The following MTX1 variants were observed in gnomAD, a reference collection of about 807,000 sequenced individuals.
MTX1 encodes the protein metaxin-1.
A neutral mutation model predicts 39.4 loss-of-function variants in MTX1; 20 were observed. The observed-to-expected ratio is 0.51, with a 90% CI of 0.36 to 0.74. The LOEUF (loss-of-function observed/expected upper bound fraction) is 0.74, where lower values mean the gene tolerates loss of function less well. Among genes scored for constraint, MTX1 ranks in the 30% least tolerant of loss-of-function variants. The probability of loss-of-function intolerance (pLI) is 0.00; values close to 1 mark genes in which losing one functional copy is unlikely to be tolerated. For missense variants in MTX1, 481 were observed against 485.9 expected (o/e 0.99, Z 0.10); for synonymous variants, 209 against 198.6 (o/e 1.05, Z -0.44).
intron 3 of MTX1, chr1:155,211,599 TG>T (rs1571949161): frequency 6.5e-6 from 1 of 153,738 alleles, no homozygotes; most frequent in East Asian, 1.9e-4. Flanking sequence ...GTGGTAATGG[TG>T]TCTGAGCGAT....
chr1:155,209,345 G>C lies in MTX1; in HGVS notation c.528+13G>C. On this transcript the variant is annotated intron_variant, in intron 1 of 7. Transcript: ENST00000368376. Reference sequence around the variant, plus strand: ...CCTGGCCGTGCTGGTGAGGGGTGGCGCCGGCGCCCTCTGCTGTGCCCTGAT... The same window carrying C: ...CCTGGCCGTGCTGGTGAGGGGTGGCCCCGGCGCCCTCTGCTGTGCCCTGAT... 1 of 1,411,780 alleles carries C rather than the reference G, an allele frequency of 7.1e-7. No homozygotes were observed. Among genetic ancestry groups the C allele is most frequent in the Non-Finnish European group, 9.2e-7 (1 of 1,086,172 alleles). 87.5% of individuals were successfully genotyped at this position (1,411,780 alleles called of 1,614,324 possible). A position where few individuals can be genotyped will look rare whatever the true frequency, so the allele number is the denominator to read the frequency against.
Position 155,208,839 on chromosome 1 carries a change from C to A in MTX1, c.35C>A (p.Ser12Ter). ...LLGGPPRSPRSGTSPKGPWSS... is the reference protein window; with the variant it reads ...LLGGPPRSPR ...GGGGGACCCCCCCGCAGTCCCCGCT[C>A]GGGGACGAGCCCCAAGGGGCCCTGG... Residue 12 changes from serine (S) to a stop codon, truncating the protein, a stop_gained, in exon 1 of 8, where the codon TCG (serine) becomes TAG (stop). Coordinates refer to ENST00000368376, the MANE Select transcript of MTX1 (RefSeq NM_002455.5). LOFTEE classifies it high-confidence loss of function. The A allele has an allele frequency of 6.3e-7, 1 of 1,585,996 alleles. No homozygotes were observed. The highest frequency in any genetic ancestry group is 2.3e-5 in the East Asian group (1 of 43,826).
Position 155,209,181 on chromosome 1 carries a change from C to CG in MTX1, c.383dup (p.Gly129ArgfsTer103), listed in dbSNP as rs762634168. On this transcript the variant is annotated frameshift_variant, in exon 1 of 8. Transcript: ENST00000368376. LOFTEE classifies it high-confidence loss of function. ...ACCGCAACGATCGGAGGGGCGGTGG[C>CG]GGGGGGCGGGCCCAGGCAGGGGAGG... 1.6e-5 allele frequency: 24 copies of CG among 1,478,896 alleles called. No individual in the cohort carries two copies. Among genetic ancestry groups the CG allele is most frequent in the Middle Eastern group, 2.1e-4 (1 of 4,836 alleles). 91.6% of individuals were successfully genotyped at this position (1,478,896 alleles called of 1,614,324 possible).
In MTX1 at chr1:155,209,202, G is replaced by C. The variant is rs200737782; in HGVS notation, c.398G>C (p.Gly133Ala). 4.9e-4 allele frequency: 714 copies of C among 1,467,622 alleles called. 2 individuals are homozygous for C. Among genetic ancestry groups the C allele is most frequent in the Admixed American group, 2.3e-3 (85 of 37,692 alleles). 90.9% of individuals were successfully genotyped at this position (1,467,622 alleles called of 1,614,324 possible). A position where few individuals can be genotyped will look rare whatever the true frequency, so the allele number is the denominator to read the frequency against. Residue 133 changes from glycine (G) to alanine (A), a missense_variant, in exon 1 of 8, where the codon GGG becomes GCG. By Grantham distance (60) the Gly-to-Ala change is moderately conservative (BLOSUM62 0). Around this residue, in one of 2 missense-constraint regions of MTX1, gnomAD observed 368 missense variants for 332.8 expected, o/e 1.11. Transcript: ENST00000368376. ...GAVAGGGPRQ[G>A]RAEAHKEVFP... Reference sequence around the variant, plus strand: ...GTGGCGGGGGGCGGGCCCAGGCAGGGGAGGGCAGAAGCACACAAGGAAGTG... The same window carrying C: ...GTGGCGGGGGGCGGGCCCAGGCAGGCGAGGGCAGAAGCACACAAGGAAGTG...
intron 3 of MTX1, chr1:155,211,390 A>G (rs1275358619): frequency 6.6e-6 from 1 of 152,552 alleles, no homozygotes; most frequent in Admixed American, 6.5e-5. Flanking sequence ...TTCCTAACAC[A>G]GGGGCATTCA....
rs1302870542 is a variant in MTX1, at chr1:155,209,224, A to C, written c.420A>C (p.Glu140Asp). 4.8e-6 allele frequency: 7 copies of C among 1,456,492 alleles called. No homozygotes were observed. Among genetic ancestry groups the C allele is most frequent in the Non-Finnish European group, 6.4e-6 (7 of 1,101,144 alleles). 90.2% of individuals were successfully genotyped at this position (1,456,492 alleles called of 1,614,324 possible). A position where few individuals can be genotyped will look rare whatever the true frequency, so the allele number is the denominator to read the frequency against. The change falls in exon 1 of 8, where the codon GAA (glutamate) becomes GAC (aspartate). Residue 140 changes from glutamate (E) to aspartate (D), a missense_variant. Around this residue, in one of 2 missense-constraint regions of MTX1, gnomAD observed 368 missense variants for 332.8 expected, o/e 1.11. Coordinates refer to ENST00000368376, the MANE Select transcript of MTX1 (RefSeq NM_002455.5). ...PRQGRAEAHK[E>D]VFPGQRVGKM... Reference sequence around the variant, plus strand: ...AGGGGAGGGCAGAAGCACACAAGGAAGTGTTTCCGGGACAGAGGGTGGGCA... The same window carrying C: ...AGGGGAGGGCAGAAGCACACAAGGACGTGTTTCCGGGACAGAGGGTGGGCA...
chr1:155,212,710 G>A lies in MTX1; in HGVS notation c.971G>A (p.Arg324Gln), dbSNP rs755726613. 3.8e-5 allele frequency: 61 copies of A among 1,605,558 alleles called. No homozygotes were observed. The highest frequency in any genetic ancestry group is 4.6e-5 in the Non-Finnish European group (54 of 1,176,210). The change falls in exon 6 of 8, where the codon CGG becomes CAG. Residue 324 changes from arginine to glutamine, a missense_variant. By Grantham distance (43) the Arg-to-Gln change is conservative. This residue lies in a region of MTX1 where 113 missense variants were observed against 153.2 expected (regional missense o/e 0.74). Coordinates refer to ENST00000368376, the MANE Select transcript of MTX1 (RefSeq NM_002455.5). ...CCCCTACAGCTGTACCGAGAGGCTC[G>A]GGAGTGTCTGACCCTGCTCTCTCAG... Reference protein sequence around the residue: ...ELEKELYREARECLTLLSQRL... With the variant: ...ELEKELYREAQECLTLLSQRL...
At chr1:155,209,847 A>C (rs1458362095) in intron 1 of MTX1, among the ~76,000 whole-genome samples, 1 of 152,246 alleles carries the variant, frequency 6.6e-6, no homozygotes, top group Non-Finnish European at 1.5e-5. Context: ...TCCTTGCTTT[A>C]AAGAGGATCT....
At chr1:155,213,064 G>A (rs1397612226) in intron 6 of MTX1, among the ~76,000 whole-genome samples, 173 bp from the exon 7 acceptor site, 2 of 151,206 alleles carry the variant, frequency 1.3e-5, no homozygotes, top group East Asian at 3.9e-4. Flanking sequence ...CCAGGCTGGC[G>A]CCACCTGGGG....
Position 155,208,825 on chromosome 1 carries a change from C to G in MTX1, c.21C>G (p.Pro7=), listed in dbSNP as rs775010955. The G allele has an allele frequency of 6.3e-6, 10 of 1,575,690 alleles. No homozygotes were observed. The highest frequency in any genetic ancestry group is 1.4e-5 in the African/African-American group (1 of 73,130). The part of the protein sequence containing the change: MLLGGP[P]RSPRSGTSPK... ...AAAACATGCTGCTCGGGGGACCCCCCCGCAGTCCCCGCTCGGGGACGAGCC... is the reference window on the plus strand; with the variant it reads ...AAAACATGCTGCTCGGGGGACCCCCGCGCAGTCCCCGCTCGGGGACGAGCC... The change falls in exon 1 of 8, where the codon CCC becomes CCG. Residue 7 remains proline (P), a synonymous_variant. Transcript: ENST00000368376.
chr1:155,212,966 AGGGCAGCCAGGCACAGGAGG>A (rs1416995832), intron 6 of MTX1, among the ~76,000 whole-genome samples, 196 bp downstream of exon 6: 3 of 137,294 alleles, frequency 2.2e-5, no homozygotes, highest in Non-Finnish European at 4.7e-5. Context: ...GTAGGGTGGG[AGGGCAGCCAGGCACAGGAGG>A]GGCCTGAAGA....
Position 155,209,008 on chromosome 1 carries a change from G to C in MTX1, c.204G>C (p.Gly68=). The C allele has an allele frequency of 6.3e-7, 1 of 1,591,448 alleles. No homozygotes were observed. The highest frequency in any genetic ancestry group is 8.5e-7 in the Non-Finnish European group (1 of 1,170,560). ...TRRRDSPRRA[G]PTALSRYVGH... ...GCCGTGACTCTCCGAGGCGCGCCGG[G>C]CCGACAGCGCTGTCCCGCTACGTGG... The change falls in exon 1 of 8, where the codon GGG becomes GGC. Residue 68 remains glycine, a synonymous_variant. Coordinates refer to ENST00000368376, the MANE Select transcript of MTX1 (RefSeq NM_002455.5).
rs754321817 is a variant in MTX1 at position 155,210,642 on chromosome 1, T to C, written c.678+15T>C. ...TTCGAAAAGAGGTAGGTGACTTGGA[T>C]AGAGGGGGCTGCCAGTGAGAGAAGT... is the stretch of plus-strand genomic sequence containing the variant. On this transcript the variant is annotated intron_variant, in intron 3 of 7. Transcript: ENST00000368376. The C allele has an allele frequency of 2.5e-6, 4 of 1,609,238 alleles. No homozygotes were observed. The Admixed American group carries it at 6.7e-5, about 27-fold the overall frequency.
Position 155,209,168 on chromosome 1 carries a change from G to T in MTX1, c.364G>T (p.Gly122Ter), listed in dbSNP as rs1440878852. The change falls in exon 1 of 8, where the codon GGA becomes TGA. Residue 122 changes from glycine (G) to a stop codon, truncating the protein, a stop_gained. Transcript: ENST00000368376. LOFTEE classifies it high-confidence loss of function. ...ISPGPLTATI[G>*]GAVAGGGPRQ... ...CCCAGGCCCCCTGACCGCAACGATC[G>T]GAGGGGCGGTGGCGGGGGGCGGGCC... 3 of 1,494,882 alleles carry T rather than the reference G, an allele frequency of 2.0e-6. No individual in the cohort carries two copies. Among genetic ancestry groups the T allele is most frequent in the Non-Finnish European group, 1.8e-6 (2 of 1,120,406 alleles). The allele number at this position is 1,494,882 out of a possible 1,614,324, so 92.6% of individuals were successfully genotyped here.
Position 155,208,956 on chromosome 1 carries a change from G to A in MTX1, c.152G>A (p.Gly51Glu), listed in dbSNP as rs774846663. 46 of 1,609,034 alleles carry A rather than the reference G, an allele frequency of 2.9e-5. No homozygotes were observed. The East Asian group carries it at 9.6e-4, about 34-fold the overall frequency. Residue 51 changes from glycine (G) to glutamate (E), a missense_variant, in exon 1 of 8, where the codon GGG becomes GAG. Coordinates refer to ENST00000368376, the MANE Select transcript of MTX1 (RefSeq NM_002455.5). ...TCTCCAGAGCCTGCCGCGCCTTCAG[G>A]GGTTCGGGGCTCCACTTGGACGAGG... Reference protein sequence around the residue: ...PRSPEPAAPSGVRGSTWTRRR... With the variant: ...PRSPEPAAPSEVRGSTWTRRR...
In MTX1 at chr1:155,209,232, C is replaced by G; in HGVS notation, c.428C>G (p.Pro143Arg). ...GRAEAHKEVF[P>R]GQRVGKMAAP... ...GCAGAAGCACACAAGGAAGTGTTTC[C>G]GGGACAGAGGGTGGGCAAGATGGCG... is the stretch of plus-strand genomic sequence containing the variant. Residue 143 changes from proline to arginine, a missense_variant, in exon 1 of 8, where the codon CCG becomes CGG. Physicochemically the swap from Pro to Arg is moderately radical, Grantham distance 103. Around this residue, in one of 2 missense-constraint regions of MTX1, gnomAD observed 368 missense variants for 332.8 expected, o/e 1.11. Coordinates refer to ENST00000368376, the MANE Select transcript of MTX1 (RefSeq NM_002455.5). The G allele has an allele frequency of 6.9e-7, 1 of 1,451,890 alleles. No individual in the cohort carries two copies. 89.9% of individuals were successfully genotyped at this position (1,451,890 alleles called of 1,614,324 possible). A position where few individuals can be genotyped will look rare whatever the true frequency, so the allele number is the denominator to read the frequency against.
Position 155,209,187 on chromosome 1 carries a change from G to C in MTX1, c.383G>C (p.Gly128Ala), listed in dbSNP as rs764236053. 2 of 1,474,318 alleles carry C rather than the reference G, an allele frequency of 1.4e-6. No individual in the cohort carries two copies. The highest frequency in any genetic ancestry group is 2.5e-5 in the East Asian group (1 of 39,762). 91.3% of individuals were successfully genotyped at this position (1,474,318 alleles called of 1,614,324 possible). ...ACGATCGGAGGGGCGGTGGCGGGGGGCGGGCCCAGGCAGGGGAGGGCAGAA... is the reference window on the plus strand; with the variant it reads ...ACGATCGGAGGGGCGGTGGCGGGGGCCGGGCCCAGGCAGGGGAGGGCAGAA... ...TATIGGAVAG[G>A]GPRQGRAEAH... Residue 128 changes from glycine (G) to alanine (A), a missense_variant, in exon 1 of 8, where the codon GGC (glycine) becomes GCC (alanine). By Grantham distance (60) the Gly-to-Ala change is moderately conservative. Coordinates refer to ENST00000368376, the MANE Select transcript of MTX1 (RefSeq NM_002455.5).
rs753960019 is a variant in MTX1 at position 155,209,364 on chromosome 1, C to G, written c.528+32C>G. ...GGTGGCGCCGGCGCCCTCTGCTGTG[C>G]CCTGATGACTGGGGAGGGGGCCGAA... On this transcript the variant is annotated intron_variant, in intron 1 of 7. Transcript: ENST00000368376. 2.9e-5 allele frequency: 41 copies of G among 1,391,234 alleles called. No homozygotes were observed. The South Asian group carries it at 6.5e-4, about 22-fold the overall frequency. The allele number at this position is 1,391,234 out of a possible 1,614,324, so 86.2% of individuals were successfully genotyped here. A position where few individuals can be genotyped will look rare whatever the true frequency, so the allele number is the denominator to read the frequency against.
rs373513672 is a variant in MTX1, at chr1:155,212,494, G to A, written c.881G>A (p.Arg294Gln). 334 of 1,613,952 alleles carry A rather than the reference G, an allele frequency of 2.1e-4. No homozygotes were observed. Among genetic ancestry groups the A allele is most frequent in the Non-Finnish European group, 2.6e-4 (309 of 1,179,862 alleles). ...LNFFLPGRMQ[R>Q]QYMERLQLLT... ...TTCTTCCTGCCTGGCCGCATGCAGC[G>A]GCAGTACATGGAACGGCTACAGCTG... Residue 294 changes from arginine to glutamine, a missense_variant, in exon 5 of 8, where the codon CGG (arginine) becomes CAG (glutamine). This residue lies in a region of MTX1 where 113 missense variants were observed against 153.2 expected (regional missense o/e 0.74). Coordinates refer to ENST00000368376, the MANE Select transcript of MTX1 (RefSeq NM_002455.5).
Sources: allele counts gnomAD v4.1 joint callset (sites outside exome capture counted in the v4.1 genomes callset), GRCh38; gene constraint gnomAD v4.1.1; regional missense constraint gnomAD v4.1.1; transcripts MANE v1.5; gene names NCBI Gene and HGNC (gene_info 2026-07-23, HGNC 2026-07-21).